The following ZNF787 variants were observed in gnomAD, a reference collection of about 807,000 sequenced individuals.
ZNF787 encodes the protein zinc finger protein 787, also known as TTF-I-interacting peptide 20.
Under a neutral mutation model 16.9 loss-of-function variants are expected in ZNF787, and 7 were observed. The observed-to-expected ratio is 0.42, with a 90% CI of 0.24 to 0.78. ZNF787 has a LOEUF of 0.78. Among genes scored for constraint, ZNF787 ranks in the 30% least tolerant of loss-of-function variants. ZNF787 has a pLI of 0.30. For missense variants in ZNF787, 551 were observed against 589.3 expected, an observed-to-expected ratio of 0.94 and a Z score of 0.67; for synonymous variants, 345 against 270.9, an observed-to-expected ratio of 1.27 and a Z score of -2.69.
chr19:56,095,772 C>T (rs554464160), intron 2 of ZNF787, among the ~76,000 whole-genome samples: 1 of 152,234 alleles, frequency 6.6e-6, no homozygotes, highest in Non-Finnish European at 1.5e-5. Context: ...CCCCACTACC[C>T]TGGTTTGGAC....
At chr19:56,094,194 T>A (rs972641867) in intron 2 of ZNF787, among the ~76,000 whole-genome samples, 1 of 149,396 alleles carries the variant, frequency 6.7e-6, no homozygotes, top group Non-Finnish European at 1.5e-5. Context: ...CGGCTTTTTT[T>A]TTTTTTTTTT....
chr19:56,111,541 G>A (rs1479303905), intron 1 of ZNF787, among the ~76,000 whole-genome samples: 1 of 152,008 alleles, frequency 6.6e-6, no homozygotes, highest in Non-Finnish European at 1.5e-5. Context: ...CTGCCTTTTA[G>A]CATAAGGGTC....
intron 1 of ZNF787, among the ~76,000 whole-genome samples, chr19:56,116,051 G>C (rs1469926964): frequency 2.6e-5 from 4 of 152,160 alleles, no homozygotes; most frequent in African/African-American, 9.7e-5. Context: ...GGAGTTGACA[G>C]TGCGGGGGCT....
intron 1 of ZNF787, among the ~76,000 whole-genome samples, chr19:56,109,518 T>G (rs2029918481): frequency 6.6e-6 from 1 of 152,226 alleles, no homozygotes; most frequent in Non-Finnish European, 1.5e-5. Flanking sequence ...TTTTCACAGT[T>G]GCTATTCTTG....
At chr19:56,104,962 C>T (rs1986245915) in intron 1 of ZNF787, among the ~76,000 whole-genome samples, 1 of 152,134 alleles carries the variant, frequency 6.6e-6, no homozygotes, top group Non-Finnish European at 1.5e-5. Context: ...AACCCCATCT[C>T]TACCAAAACA....
intron 1 of ZNF787, among the ~76,000 whole-genome samples, chr19:56,120,930 C>T (rs1396541271): frequency 7.2e-6 from 1 of 139,848 alleles, no homozygotes; most frequent in Non-Finnish European, 1.6e-5. Flanking sequence ...GCCCCGCTCG[C>T]CGCCCGCGGG....
chr19:56,115,922 A>G (rs868847425), intron 1 of ZNF787, among the ~76,000 whole-genome samples: 1 of 152,296 alleles, frequency 6.6e-6, no homozygotes, highest in African/African-American at 2.4e-5. Flanking sequence ...TGTTTAAAAG[A>G]CAAAACAGTC....
chr19:56,120,967 A>C, intron 1 of ZNF787, among the ~76,000 whole-genome samples: 1 of 98,284 alleles, frequency 1.0e-5, no homozygotes, highest in East Asian at 3.2e-4. Flanking sequence ...CCCCTCCCAC[A>C]GCTCTTCGGC....
chr19:56,087,709 G>T lies in ZNF787; in HGVS notation c.*314C>A. The T allele has an allele frequency of 5.1e-5, 11 of 215,008 alleles. No individual in the cohort carries two copies. Among genetic ancestry groups the T allele is most frequent in the Admixed American group, 5.9e-5 (1 of 16,814 alleles). The allele number at this position is 215,008 out of a possible 1,614,324, so 13.3% of individuals were successfully genotyped here. Reference sequence around the variant, plus strand: ...ACAACTGAGGAAGAGCAGGGAAAATGGCCTTCCGCTTGGGGCCTGGTCGCC... The same window carrying T: ...ACAACTGAGGAAGAGCAGGGAAAATTGCCTTCCGCTTGGGGCCTGGTCGCC... On this transcript the variant is annotated 3_prime_UTR_variant, in exon 3 of 3. Transcript: ENST00000610935.
chr19:56,112,505 G>A (rs1385268078), intron 1 of ZNF787, among the ~76,000 whole-genome samples: 2 of 151,576 alleles, frequency 1.3e-5, no homozygotes, highest in Non-Finnish European at 2.9e-5. Flanking sequence ...CACCCCTCTG[G>A]AGGCCTGCCT....
At chr19:56,100,176 G>A (rs2123405252) in intron 2 of ZNF787, among the ~76,000 whole-genome samples, 1 of 152,316 alleles carries the variant, frequency 6.6e-6, no homozygotes, top group Admixed American at 6.5e-5. Context: ...AGGCCTCTCT[G>A]TGCTGAGTGC....
At chr19:56,109,232 C>A (rs1354115666) in intron 1 of ZNF787, among the ~76,000 whole-genome samples, 17 of 152,186 alleles carry the variant, frequency 1.1e-4, no homozygotes, top group Non-Finnish European at 4.4e-5. Context: ...CGTATCGGAA[C>A]TGGTAGATGG....
At chr19:56,092,348 G>T (rs1335328826) in intron 2 of ZNF787, among the ~76,000 whole-genome samples, 1 of 152,100 alleles carries the variant, frequency 6.6e-6, no homozygotes, top group East Asian at 1.9e-4. Context: ...TCCTCTCACT[G>T]AAGGACTCAG....
chr19:56,106,462 G>C (rs948631889), intron 1 of ZNF787, among the ~76,000 whole-genome samples: 1 of 152,256 alleles, frequency 6.6e-6, no homozygotes, highest in African/African-American at 2.4e-5. Flanking sequence ...AGCCTGCGCA[G>C]GCCCCAGCCC....
chr19:56,105,955 T>G (rs1484500870), intron 1 of ZNF787, among the ~76,000 whole-genome samples: 3 of 71,282 alleles, frequency 4.2e-5, no homozygotes, highest in East Asian at 3.2e-4. Context: ...CATTCCCCCC[T>G]CCGCGCCCAC....
chr19:56,089,404 G>A (rs1985485503), intron 2 of ZNF787, among the ~76,000 whole-genome samples: 1 of 152,124 alleles, frequency 6.6e-6, no homozygotes, highest in African/African-American at 2.4e-5. Context: ...GGGATCCACG[G>A]AAGGCTCCCA....
intron 1 of ZNF787, among the ~76,000 whole-genome samples, chr19:56,109,071 C>T (rs547364453): frequency 9.9e-5 from 15 of 152,272 alleles, no homozygotes; most frequent in South Asian, 4.1e-4. Flanking sequence ...CAAGGAATGA[C>T]GGCTGGCACC....
chr19:56,111,103 C>G (rs771848308), intron 1 of ZNF787, among the ~76,000 whole-genome samples: 2 of 152,218 alleles, frequency 1.3e-5, no homozygotes, highest in Non-Finnish European at 2.9e-5. Context: ...GTTCCTAAAG[C>G]CTAAAATGTT....
intron 2 of ZNF787, among the ~76,000 whole-genome samples, chr19:56,093,406 G>T (rs996410325): frequency 3.3e-5 from 5 of 152,120 alleles, no homozygotes; most frequent in Non-Finnish European, 7.4e-5. Flanking sequence ...CGATCTCAGG[G>T]TAACAATGCT....
Sources: allele counts gnomAD v4.1 joint callset (sites outside exome capture counted in the v4.1 genomes callset), GRCh38; gene constraint gnomAD v4.1.1; transcripts MANE v1.5; gene names NCBI Gene and HGNC (gene_info 2026-07-23, HGNC 2026-07-21).